Variants in OGFOD1 observed in about 807,000 individuals in gnomAD.
OGFOD1 encodes prolyl 3-hydroxylase OGFOD1.
OGFOD1 carries 54 observed loss-of-function variants against 67.7 expected under a neutral mutation model. The ratio of observed to expected loss-of-function variants is 0.80; its 90% confidence interval spans 0.64 to 1.00. The LOEUF is 1.00. OGFOD1 is among the 50% of genes least tolerant of loss of function. The pLI, the probability that OGFOD1 is intolerant of heterozygous loss-of-function variation, is 0.00. For synonymous variants in OGFOD1, 221 were observed against 227.0 expected (o/e 0.97, Z 0.24); for missense variants, 606 against 646.7 (o/e 0.94, Z 0.68).
Position 56,470,757 on chromosome 16 carries a change from A to G in OGFOD1, c.1251A>G (p.Thr417=). ...SNNSQQSNEQ[T]DPEPEENETK... ...ACAGCCAACAGAGCAATGAGCAGACAGACCCAGAGCCAGAGGAAAATGAAA... is the reference window on the plus strand; with the variant it reads ...ACAGCCAACAGAGCAATGAGCAGACGGACCCAGAGCCAGAGGAAAATGAAA... The change falls in exon 10 of 13, where the codon ACA becomes ACG. Residue 417 remains threonine, a synonymous_variant. Transcript: ENST00000566157. 1.9e-6 allele frequency: 3 copies of G among 1,610,462 alleles called. No individual in the cohort carries two copies. Among genetic ancestry groups the G allele is most frequent in the African/African-American group, 1.3e-5 (1 of 74,802 alleles).
intron 2 of OGFOD1, among the ~76,000 whole-genome samples, chr16:56,454,524 A>G (rs1289373181): frequency 2.9e-5 from 4 of 135,946 alleles, no homozygotes; most frequent in Non-Finnish European, 6.2e-5. Flanking sequence ...TGGTTTTTCT[A>G]CTCTGGAAGA....
chr16:56,464,891 T>G (rs1338865340), intron 4 of OGFOD1, among the ~76,000 whole-genome samples: 1 of 152,198 alleles, frequency 6.6e-6, no homozygotes, highest in Non-Finnish European at 1.5e-5. Flanking sequence ...GTCTTTGCTA[T>G]TAGGGTGTCA....
chr16:56,452,042 T>G, intron 1 of OGFOD1: 1 of 377,426 alleles, frequency 2.6e-6, no homozygotes, highest in Non-Finnish European at 4.8e-6. Flanking sequence ...AGTCAAAGAT[T>G]ACTGAGTTAG....
intron 2 of OGFOD1, among the ~76,000 whole-genome samples, chr16:56,454,040 A>G (rs1310929026): frequency 1.3e-5 from 2 of 152,180 alleles, no homozygotes; most frequent in Non-Finnish European, 2.9e-5. Context: ...GTTGGGAGAC[A>G]ATTACCATTT....
intron 4 of OGFOD1, among the ~76,000 whole-genome samples, chr16:56,465,425 CCTT>C (rs1237152838): frequency 6.6e-6 from 1 of 152,146 alleles, no homozygotes; most frequent in African/African-American, 2.4e-5. Flanking sequence ...TTTGTAACTC[CCTT>C]CTTGAACAGT....
intron 1 of OGFOD1, among the ~76,000 whole-genome samples, chr16:56,453,020 T>A (rs962272246): frequency 2.6e-5 from 4 of 152,210 alleles, no homozygotes; most frequent in Non-Finnish European, 5.9e-5. Flanking sequence ...GAACCTTGAT[T>A]TAGTGACATC....
rs1206586787 is a variant in OGFOD1, at chr16:56,451,661, A to G, written c.49A>G (p.Lys17Glu). 1.9e-6 allele frequency: 3 copies of G among 1,614,004 alleles called. No homozygotes were observed. The South Asian group carries it at 3.3e-5, about 18-fold the overall frequency. ...GCCCGGCCCAGCCCGGGTGGGAAAA[A>G]AGGGAAAGAAGGAGGTGATGGCGGA... is the stretch of plus-strand genomic sequence containing the variant. Reference protein sequence around the residue: ...AEPGPARVGKKGKKEVMAEFS... With the variant: ...AEPGPARVGKEGKKEVMAEFS... Residue 17 changes from lysine (K) to glutamate (E), a missense_variant, in exon 1 of 13, where the codon AAG becomes GAG. Lys to Glu is a moderately conservative substitution (Grantham distance 56, BLOSUM62 1). Transcript: ENST00000566157.
chr16:56,473,808 A>G (rs569553817), intron 10 of OGFOD1, among the ~76,000 whole-genome samples: 1 of 150,828 alleles, frequency 6.6e-6, no homozygotes, highest in African/African-American at 2.4e-5. Flanking sequence ...AGGAGTATTA[A>G]CCTTCTTTTT....
chr16:56,473,603 T>C (rs1163423969), intron 10 of OGFOD1, among the ~76,000 whole-genome samples: 1 of 152,242 alleles, frequency 6.6e-6, no homozygotes, highest in Admixed American at 6.5e-5. Context: ...CAAACTGTTA[T>C]ATTTTCTTTT....
chr16:56,462,260 A>G lies in OGFOD1; in HGVS notation c.348-274A>G, dbSNP rs77563274. On this transcript the variant is annotated intron_variant, in intron 3 of 12. Transcript: ENST00000566157. ...CAGGGCATACTTTAAATTTAGGAGA[A>G]AGAAAATACTGAGAAAACATGAACC... 7.2e-3 allele frequency among the ~76,000 whole-genome samples: 1,096 copies of G among 152,326 alleles called. 15 individuals are homozygous for G. The highest frequency in any genetic ancestry group is 0.025 in the African/African-American group (1,057 of 41,574).
intron 2 of OGFOD1, 97 bp from the exon 3 acceptor site, chr16:56,458,451 T>C: frequency 9.1e-7 from 1 of 1,103,594 alleles, no homozygotes; most frequent in African/African-American, 1.5e-5. Context: ...GGGCTCTTAA[T>C]GACAATGCTA....
At chr16:56,452,369 G>GT (rs760284169) in intron 1 of OGFOD1, among the ~76,000 whole-genome samples, 4 of 152,172 alleles carry the variant, frequency 2.6e-5, no homozygotes, top group Non-Finnish European at 4.4e-5. Context: ...CGCGCCTGTA[G>GT]TTTGACTCCA....
intron 4 of OGFOD1, 124 bp from the exon 5 acceptor site, chr16:56,466,028 G>T: frequency 3.0e-6 from 2 of 660,022 alleles, no homozygotes; most frequent in South Asian, 1.9e-5. Context: ...TTTAAAGCTG[G>T]AGGACATTTA....
At chr16:56,466,004 G>A (rs1274671260) in intron 4 of OGFOD1, 148 bp from the exon 5 acceptor site, 1 of 590,692 alleles carries the variant, frequency 1.7e-6, no homozygotes, top group East Asian at 2.8e-5. Flanking sequence ...TAAAAGAGGA[G>A]AAATAAGTGT....
chr16:56,466,498 G>T (rs867436372), intron 5 of OGFOD1, among the ~76,000 whole-genome samples: 15 of 152,172 alleles, frequency 9.9e-5, no homozygotes, highest in African/African-American at 3.6e-4. Context: ...TTTAAGATGA[G>T]AAATAGTCAG....
intron 4 of OGFOD1, 54 bp from the exon 5 acceptor site, chr16:56,466,098 G>A (rs970478244): frequency 8.2e-7 from 1 of 1,221,242 alleles, no homozygotes; most frequent in Non-Finnish European, 1.2e-6. Context: ...GCAGAGTCAG[G>A]TGTCAGCTGG....
intron 2 of OGFOD1, chr16:56,454,930 G>A: frequency 4.6e-6 from 1 of 218,204 alleles, no homozygotes; most frequent in Non-Finnish European, 9.5e-6. Context: ...TGGTAAGGTT[G>A]CACAGGTTAA....
intron 8 of OGFOD1, 95 bp downstream of exon 8, chr16:56,468,113 G>A (rs1169408741): frequency 1.5e-6 from 1 of 656,918 alleles, no homozygotes; most frequent in Non-Finnish European, 2.7e-6. Context: ...TTTTTGTTTT[G>A]TTCCTGATTA....
intron 4 of OGFOD1, 131 bp downstream of exon 4, chr16:56,462,765 G>A (rs1163112958): frequency 3.3e-6 from 2 of 609,636 alleles, no homozygotes; most frequent in Non-Finnish European, 5.8e-6. Flanking sequence ...TCCTGATAAA[G>A]ACCCAGTTCA....
Sources: gnomAD v4.1 joint callset for allele counts (sites outside exome capture counted in the v4.1 genomes callset) on GRCh38, gnomAD v4.1.1 for gene constraint, MANE v1.5 for transcripts, NCBI Gene and HGNC (gene_info 2026-07-23, HGNC 2026-07-21) for gene names.